Variants in MAGI2 observed in about 807,000 individuals in gnomAD.
MAGI2 encodes membrane associated guanylate kinase, WW and PDZ domain containing 2.
MAGI2 carries 35 observed loss-of-function variants against 133.3 expected under a neutral mutation model. That is an observed-to-expected ratio of 0.26 (90% confidence interval 0.20 to 0.35). The LOEUF is 0.35. Among genes scored for constraint, MAGI2 ranks in the 10% least tolerant of loss-of-function variants. The pLI is 1.00. For missense variants in MAGI2, 1,636 were observed against 1,863.4 expected (o/e 0.88, Z 2.25); for synonymous variants, 729 against 710.6 (o/e 1.03, Z -0.41).
chr7:79,378,972 T>TATATATATATATATA (rs1563168440), intron 1 of MAGI2, among the ~76,000 whole-genome samples: 1 of 76,740 alleles, frequency 1.3e-5, no homozygotes, highest in African/African-American at 4.9e-5. Context: ...ATATATATAT[T>TATATATATATATATA]AAACTTTAAG....
chr7:78,869,299 A>G (rs867208314), intron 2 of MAGI2, among the ~76,000 whole-genome samples: 1 of 152,186 alleles, frequency 6.6e-6, no homozygotes, highest in African/African-American at 2.4e-5. Context: ...CTCTTTGCCT[A>G]TGCCAACATC....
intron 1 of MAGI2, among the ~76,000 whole-genome samples, chr7:79,340,117 C>T (rs183866419): frequency 1.3e-5 from 2 of 152,034 alleles, no homozygotes; most frequent in East Asian, 1.9e-4. Context: ...TTGTTCTGTT[C>T]TATTAGCTTT....
chr7:78,818,208 T>C (rs1286133671), intron 2 of MAGI2, among the ~76,000 whole-genome samples: 6 of 152,138 alleles, frequency 3.9e-5, no homozygotes, highest in African/African-American at 1.4e-4. Context: ...TATTAATGAG[T>C]CTTGGCATGT....
intron 3 of MAGI2, among the ~76,000 whole-genome samples, chr7:78,526,249 A>T (rs1796940864): frequency 6.6e-6 from 1 of 152,224 alleles, no homozygotes; most frequent in Admixed American, 6.5e-5. Flanking sequence ...ACAGTCAATG[A>T]ACACAAATGC....
chr7:78,529,668 G>GTTTGTTT (rs1797279474), intron 3 of MAGI2, among the ~76,000 whole-genome samples: 1 of 57,382 alleles, frequency 1.7e-5, no homozygotes, highest in Non-Finnish European at 3.5e-5. Flanking sequence ...AAAGGAGATG[G>GTTTGTTT]TTTTTTTTTT....
At chr7:78,060,434 C>T (rs1322284372) in intron 21 of MAGI2, among the ~76,000 whole-genome samples, 1 of 152,238 alleles carries the variant, frequency 6.6e-6, no homozygotes, top group Non-Finnish European at 1.5e-5. Flanking sequence ...TTCAGTCTTT[C>T]TTGTTGTCCT....
chr7:78,356,943 C>T (rs566518288), intron 7 of MAGI2, among the ~76,000 whole-genome samples: 11 of 152,182 alleles, frequency 7.2e-5, no homozygotes, highest in African/African-American at 2.7e-4. Flanking sequence ...ATTTTGTCTA[C>T]CACTCACTAT....
intron 2 of MAGI2, among the ~76,000 whole-genome samples, chr7:78,742,612 A>G (rs1822540725): frequency 6.6e-6 from 1 of 152,214 alleles, no homozygotes. Flanking sequence ...ATTTACTCAA[A>G]GCTTGAATGA....
At chr7:79,404,429 G>T (rs1845670925) in intron 1 of MAGI2, among the ~76,000 whole-genome samples, 1 of 152,002 alleles carries the variant, frequency 6.6e-6, no homozygotes, top group Non-Finnish European at 1.5e-5. Context: ...TTGAACTCCT[G>T]GCTTCAAATG....
At chr7:78,267,951 T>G (rs113284629) in intron 9 of MAGI2, among the ~76,000 whole-genome samples, 41 of 152,186 alleles carry the variant, frequency 2.7e-4, no homozygotes, top group African/African-American at 9.4e-4. Context: ...TGAAGCTGAC[T>G]GGGATAAGTT....
At chr7:78,752,099 A>G (rs1418832069) in intron 2 of MAGI2, among the ~76,000 whole-genome samples, 10 of 152,202 alleles carry the variant, frequency 6.6e-5, no homozygotes, top group African/African-American at 2.2e-4. Context: ...TCAAGGAAGC[A>G]GTGTTTTGCT....
chr7:78,178,191 G>A (rs575108144), intron 13 of MAGI2, 89 bp from the exon 14 acceptor site: 3 of 821,216 alleles, frequency 3.7e-6, no homozygotes, highest in East Asian at 2.6e-5. Flanking sequence ...AATTAATTTT[G>A]TGGATGCGAT....
At chr7:79,254,587 C>A (rs1833556410) in intron 1 of MAGI2, among the ~76,000 whole-genome samples, 1 of 152,112 alleles carries the variant, frequency 6.6e-6, no homozygotes, top group Admixed American at 6.6e-5. Context: ...GTTAGGCAGT[C>A]CTAAGACAAT....
chr7:78,385,719 A>G (rs181233352), intron 6 of MAGI2, among the ~76,000 whole-genome samples: 5 of 152,356 alleles, frequency 3.3e-5, no homozygotes, highest in Admixed American at 3.3e-4. Context: ...GCAATACAGT[A>G]TAGTGAACGT....
intron 1 of MAGI2, among the ~76,000 whole-genome samples, chr7:79,053,221 T>C (rs1047343971): frequency 6.6e-6 from 1 of 152,066 alleles, no homozygotes; most frequent in Non-Finnish European, 1.5e-5. Flanking sequence ...GATCCACCCA[T>C]CTTGGCCTCC....
chr7:78,679,773 G>A (rs1454693087), intron 2 of MAGI2, among the ~76,000 whole-genome samples: 1 of 152,018 alleles, frequency 6.6e-6, no homozygotes, highest in African/African-American at 2.4e-5. Context: ...ACCAATGAAG[G>A]GAAACTGATC....
chr7:78,399,560 T>G (rs1040384737), intron 6 of MAGI2, among the ~76,000 whole-genome samples: 33 of 152,276 alleles, frequency 2.2e-4, no homozygotes, highest in African/African-American at 7.2e-4. Context: ...ATCCCAGCAT[T>G]CTGGGAAGCT....
At position 78,256,332 on chromosome 7, in the gene MAGI2, C is replaced by T. The variant is rs759667457; in HGVS notation, c.1658G>A (p.Arg553Gln). 36 of 1,613,864 alleles carry T rather than the reference C, an allele frequency of 2.2e-5. No individual in the cohort carries two copies. Among genetic ancestry groups the T allele is most frequent in the Middle Eastern group, 1.6e-4 (1 of 6,076 alleles). ...NYETYLEYIS[R>Q]TSQSVPDITD... ...TATATCTGGAACTGACTGTGAGGTC[C>T]GAGAAATGTACTCCAAATATGTTTC... The change falls in exon 10 of 22, where the codon CGG (arginine) becomes CAG (glutamine). Residue 553 changes from arginine to glutamine, a missense_variant. Arg to Gln is a conservative substitution (Grantham distance 43, BLOSUM62 1). This residue lies in a region of MAGI2 where 920 missense variants were observed against 1,093.5 expected (regional missense o/e 0.84). Coordinates refer to ENST00000354212, the MANE Select transcript of MAGI2 (RefSeq NM_012301.4).
At chr7:79,288,657 G>A (rs1836223944) in intron 1 of MAGI2, among the ~76,000 whole-genome samples, 1 of 152,064 alleles carries the variant, frequency 6.6e-6, no homozygotes, top group Non-Finnish European at 1.5e-5. Flanking sequence ...GTGGGAACCA[G>A]GACGTCATTC....
Sources: gnomAD v4.1 joint callset for allele counts (sites outside exome capture counted in the v4.1 genomes callset) on GRCh38, gnomAD v4.1.1 for gene constraint, gnomAD v4.1.1 regional missense constraint, MANE v1.5 for transcripts, NCBI Gene and HGNC (gene_info 2026-07-23, HGNC 2026-07-21) for gene names.